The following PMFBP1 variants were observed in gnomAD, a reference collection of about 807,000 sequenced individuals.
PMFBP1 encodes the protein polyamine modulated factor 1 binding protein 1, also known as polyamine-modulated factor 1-binding protein 1.
In PMFBP1, 131 loss-of-function variants were observed where a neutral mutation model predicts 137.8. The ratio of observed to expected loss-of-function variants is 0.95; its 90% CI spans 0.82 to 1.10. PMFBP1 has a LOEUF of 1.10. PMFBP1 is among the 50% of genes least tolerant of loss of function. The pLI, the probability that PMFBP1 is intolerant of heterozygous loss-of-function variation, is 0.00. For missense variants in PMFBP1, 1,199 were observed against 1,175.4 expected (o/e 1.02, Z -0.29); for synonymous variants, 490 against 450.4 (o/e 1.09, Z -1.11).
rs1327276904 is a variant in PMFBP1, at chr16:72,129,115, T to C, written c.1901A>G (p.Glu634Gly). The C allele has an allele frequency of 6.2e-7, 1 of 1,614,116 alleles. No individual in the cohort carries two copies. The highest frequency in any genetic ancestry group is 1.3e-5 in the African/African-American group (1 of 74,950). The change falls in exon 13 of 21, where the codon GAG (glutamate) becomes GGG (glycine). Residue 634 changes from glutamate to glycine, a missense_variant. By Grantham distance (98) the Glu-to-Gly change is moderately conservative (BLOSUM62 -2). Coordinates refer to ENST00000237353, the MANE Select transcript of PMFBP1 (RefSeq NM_031293.3). ...KKSKEHEKLM[E>G]GELEALRQEF... is the part of the protein sequence containing the mutation. ...CTGCCGCAAAGCTTCAAGTTCTCCCTCCATCAGCTTCTCATGCTCTTTGCT... is the reference window on the plus strand; with the variant it reads ...CTGCCGCAAAGCTTCAAGTTCTCCCCCCATCAGCTTCTCATGCTCTTTGCT...
chr16:72,134,520 T>C (rs1424604285), intron 9 of PMFBP1, among the ~76,000 whole-genome samples: 1 of 152,198 alleles, frequency 6.6e-6, no homozygotes, highest in Non-Finnish European at 1.5e-5. Flanking sequence ...TCAGATCTTT[T>C]GCCTCAGCTC....
the PMFBP1 span, among the ~76,000 whole-genome samples, chr16:72,245,141 G>A: frequency 1.3e-5 from 2 of 152,042 alleles, no homozygotes. Context: ...GCACTGGGGG[G>A]GATCTCAGGG....
chr16:72,244,679 C>T, the PMFBP1 span, among the ~76,000 whole-genome samples: 2 of 152,174 alleles, frequency 1.3e-5, no homozygotes, highest in Non-Finnish European at 2.9e-5. Flanking sequence ...AAAAGGATGA[C>T]CAAATCTCCT....
intron 5 of PMFBP1, among the ~76,000 whole-genome samples, chr16:72,147,640 A>G (rs980937287): frequency 6.6e-6 from 1 of 152,230 alleles, no homozygotes; most frequent in African/African-American, 2.4e-5. Context: ...CAAAGGGCTA[A>G]TATCCAGAAT....
chr16:72,231,832 C>G, the PMFBP1 span, among the ~76,000 whole-genome samples: 11 of 148,078 alleles, frequency 7.4e-5, no homozygotes, highest in Admixed American at 3.4e-4. Context: ...ATTGACCTCA[C>G]TTTGAATAGC....
chr16:72,118,777 G>A (rs565441859), downstream of PMFBP1, among the ~76,000 whole-genome samples: 2 of 152,184 alleles, frequency 1.3e-5, no homozygotes, highest in South Asian at 4.1e-4. Context: ...GGGGCAGGTG[G>A]CGTGCTCTTG....
At chr16:72,178,989 T>G (rs184495533), upstream of PMFBP1, among the ~76,000 whole-genome samples, 42 of 152,346 alleles carry the variant, frequency 2.8e-4, 1 homozygote, top group East Asian at 7.1e-3. Context: ...ACATAGACTC[T>G]GCTTCTTGAG....
At chr16:72,214,062 T>C in the PMFBP1 span, among the ~76,000 whole-genome samples, 1 of 152,230 alleles carries the variant, frequency 6.6e-6, no homozygotes, top group African/African-American at 2.4e-5. Context: ...ATTACCAGTA[T>C]AAATATGTTG....
Position 72,164,765 on chromosome 16 carries a change from TG to T in PMFBP1, c.163del (p.His55ThrfsTer9), listed in dbSNP as rs1393380363. The T allele has an allele frequency of 6.3e-7, 1 of 1,586,962 alleles. No individual in the cohort carries two copies. Among genetic ancestry groups the T allele is most frequent in the Admixed American group, 1.7e-5 (1 of 58,846 alleles). On this transcript the variant is annotated frameshift_variant and splice_region_variant, in exon 3 of 21. Transcript: ENST00000237353. LOFTEE classifies it high-confidence loss of function. ...LCMEEAMNSS[H>X]DKKQAQALAF... ...AGCGGCTGCTGCCAAGTCCCTTACG[TG>T]GCTGCTGTTCATTGCCTCCTCCATG...
intron 2 of PMFBP1, among the ~76,000 whole-genome samples, chr16:72,169,250 G>A (rs1187175397): frequency 1.3e-5 from 2 of 151,942 alleles, no homozygotes; most frequent in African/African-American, 4.8e-5. Context: ...TTCAATTTAT[G>A]GTAAGAGTTA....
intron 5 of PMFBP1, among the ~76,000 whole-genome samples, chr16:72,149,974 G>A (rs539419980): frequency 2.0e-4 from 31 of 152,222 alleles, no homozygotes; most frequent in African/African-American, 7.5e-4. Flanking sequence ...GAGGTTGAAG[G>A]CAGACTTTCA....
upstream of PMFBP1, among the ~76,000 whole-genome samples, chr16:72,180,177 G>A (rs2043271310): frequency 1.3e-5 from 2 of 152,148 alleles, no homozygotes; most frequent in African/African-American, 4.8e-5. Context: ...CATGGTTGCT[G>A]CAGAAAGCCA....
In PMFBP1 at chr16:72,135,367, T is replaced by G. The variant is rs959312546; in HGVS notation, c.1203+1081A>C. 2.4e-3 allele frequency among the ~76,000 whole-genome samples: 287 copies of G among 120,112 alleles called. 2 individuals are homozygous for G. Among genetic ancestry groups the G allele is most frequent in the South Asian group, 0.014 (52 of 3,658 alleles). The allele number at this position is 120,112 out of a possible 152,430, so 78.8% of individuals were successfully genotyped here. A position where few individuals can be genotyped will look rare whatever the true frequency, so the allele number is the denominator to read the frequency against. On this transcript the variant is annotated intron_variant, in intron 9 of 20. Coordinates refer to ENST00000237353, the MANE Select transcript of PMFBP1 (RefSeq NM_031293.3). ...ATTTTGTGTGTGTGTGTGTTTTTTT[T>G]TTTTTTTTTTTGTTGTTGTTGTTTT...
chr16:72,156,676 T>C (rs1411580861), intron 3 of PMFBP1, among the ~76,000 whole-genome samples: 1 of 152,116 alleles, frequency 6.6e-6, no homozygotes, highest in Non-Finnish European at 1.5e-5. Context: ...TATTCCATTG[T>C]ATAAATATAC....
chr16:72,164,356 A>C (rs1397272707), intron 3 of PMFBP1: 1 of 1,248,986 alleles, frequency 8.0e-7, no homozygotes, highest in Non-Finnish European at 1.1e-6. Context: ...CTGCTACCCC[A>C]ATGGACACTG....
intron 9 of PMFBP1, among the ~76,000 whole-genome samples, chr16:72,134,875 A>T (rs972410275): frequency 6.6e-6 from 1 of 152,138 alleles, no homozygotes; most frequent in African/African-American, 2.4e-5. Flanking sequence ...TGATGTGGGT[A>T]TATCAGTATT....
upstream of PMFBP1, among the ~76,000 whole-genome samples, chr16:72,172,965 G>A (rs140969988): frequency 7.2e-5 from 11 of 152,278 alleles, no homozygotes; most frequent in East Asian, 1.9e-3. Context: ...GCAGTAACAC[G>A]AGGTATGCCT....
intron 5 of PMFBP1, among the ~76,000 whole-genome samples, chr16:72,145,603 A>C (rs1349456798): frequency 2.0e-5 from 3 of 152,204 alleles, no homozygotes; most frequent in African/African-American, 7.2e-5. Context: ...TGGATTTTTG[A>C]AAAGATCAAC....
At chr16:72,150,907 G>A (rs2042893472) in intron 4 of PMFBP1, 78 bp from the exon 5 acceptor site, 1 of 1,272,570 alleles carries the variant, frequency 7.9e-7, no homozygotes, top group Non-Finnish European at 1.1e-6. Context: ...AAGATTCCCT[G>A]CAGAGAAGTC....
Sources: allele counts gnomAD v4.1 joint callset (sites outside exome capture counted in the v4.1 genomes callset), GRCh38; gene constraint gnomAD v4.1.1; transcripts MANE v1.5; gene names NCBI Gene and HGNC (gene_info 2026-07-23, HGNC 2026-07-21).